Variants in KCTD21 observed in about 807,000 individuals in gnomAD.
The protein encoded by KCTD21 is potassium channel tetramerization domain containing 21.
In KCTD21, 9 loss-of-function variants were observed where a neutral mutation model predicts 13.2. That is an observed-to-expected ratio of 0.68 (90% CI 0.41 to 1.19). The LOEUF (loss-of-function observed/expected upper bound fraction) is 1.19. KCTD21 is among the 50% of genes most tolerant of loss of function. The pLI, the probability that KCTD21 is intolerant of heterozygous loss-of-function variation, is 0.01. For missense variants in KCTD21, 303 were observed against 336.5 expected (o/e 0.90, Z 0.78); for synonymous variants, 142 against 137.4 (o/e 1.03, Z -0.23).
At chr11:78,177,061 G>A (rs1040136223) in intron 1 of KCTD21, 7 of 152,246 alleles carry the variant, frequency 4.6e-5, no homozygotes, top group African/African-American at 1.4e-4. Flanking sequence ...CCGTCCAGAT[G>A]GAGAAACAGA....
At chr11:78,178,833 G>A (rs1862532502) in intron 1 of KCTD21, among the ~76,000 whole-genome samples, 1 of 152,160 alleles carries the variant, frequency 6.6e-6, no homozygotes, top group African/African-American at 2.4e-5. Context: ...TCCTAAAGCT[G>A]AACCAAGAGG....
chr11:78,183,167 T>C (rs1304697711), intron 1 of KCTD21, among the ~76,000 whole-genome samples: 1 of 152,192 alleles, frequency 6.6e-6, no homozygotes, highest in Non-Finnish European at 1.5e-5. Flanking sequence ...GAGAAACTGA[T>C]GATTCCTGGA....
intron 1 of KCTD21, chr11:78,188,150 TC>T (rs1183874559): frequency 5.9e-5 from 58 of 985,106 alleles, no homozygotes; most frequent in Non-Finnish European, 6.7e-5. Flanking sequence ...TCTCCGCCCT[TC>T]CTTCCCCAAT....
chr11:78,175,730 A>T (rs1437527286), intron 1 of KCTD21, among the ~76,000 whole-genome samples: 1 of 152,024 alleles, frequency 6.6e-6, no homozygotes, highest in Non-Finnish European at 1.5e-5. Flanking sequence ...GTTTTTTTTA[A>T]ATTTTTTTAA....
rs1264589562 is a variant in KCTD21 at position 78,173,727 on chromosome 11, A to G, written c.*45T>C. 7.1e-6 allele frequency: 11 copies of G among 1,539,428 alleles called. No homozygotes were observed. The highest frequency in any genetic ancestry group is 2.4e-5 in the South Asian group (2 of 82,236). On this transcript the variant is annotated 3_prime_UTR_variant, in exon 2 of 2. Transcript: ENST00000340067. ...AGATGCCCTCCAAGACCTGGCTGAC[A>G]TGAGCTTCCTGGGACTCCCCATCTC...
Position 78,188,574 on chromosome 11 carries a change from T to TCCTGCCCTCGCTCTGCAGCCTCTC in KCTD21, c.-55_-32dup. 11 of 985,344 alleles carry TCCTGCCCTCGCTCTGCAGCCTCTC rather than the reference T, an allele frequency of 1.1e-5. No individual in the cohort carries two copies. The highest frequency in any genetic ancestry group is 1.3e-5 in the Non-Finnish European group (11 of 830,122). The allele number at this position is 985,344 out of a possible 1,614,324, so 61.0% of individuals were successfully genotyped here. ...CGACCCCGGCCGTGCCGCACCCACC[T>TCCTGCCCTCGCTCTGCAGCCTCTC]CCTGCCCTCGCTCTGCAGCCTCTCC... On this transcript the variant is annotated splice_region_variant and 5_prime_UTR_variant, in exon 1 of 2. Coordinates refer to ENST00000340067, the MANE Select transcript of KCTD21 (RefSeq NM_001029859.3).
intron 1 of KCTD21, among the ~76,000 whole-genome samples, chr11:78,182,850 A>C (rs1234001042): frequency 1.3e-5 from 2 of 152,224 alleles, no homozygotes; most frequent in African/African-American, 4.8e-5. Context: ...GGAGTAGGCA[A>C]GAGCTCTTTT....
chr11:78,187,109 G>C (rs554192593), intron 1 of KCTD21: 2 of 985,402 alleles, frequency 2.0e-6, no homozygotes, highest in East Asian at 1.1e-4. Context: ...TTTCCACTGC[G>C]TAAGGGAATG....
At position 78,174,600 on chromosome 11, in the gene KCTD21, G is replaced by A; in HGVS notation, c.-29-17C>T. On this transcript the variant is annotated splice_polypyrimidine_tract_variant and intron_variant, in intron 1 of 1. Coordinates refer to ENST00000340067, the MANE Select transcript of KCTD21 (RefSeq NM_001029859.3). ...GAAGTAGTCCTGGAGAGGGTGAGAA[G>A]TGAGAAATGACTATAACCAAACCTT... 1.3e-6 allele frequency: 2 copies of A among 1,544,054 alleles called. No homozygotes were observed. The highest frequency in any genetic ancestry group is 1.4e-5 in the African/African-American group (1 of 72,390).
At position 78,174,114 on chromosome 11, in the gene KCTD21, G is replaced by A. The variant is rs1320057354; in HGVS notation, c.441C>T (p.Asn147=). ...GGAAGAGGCAGGAGGTGCTGAAGATGTTGGCGTTGAAGACCTCCATGCTGG... is the reference window on the plus strand; with the variant it reads ...GGAAGAGGCAGGAGGTGCTGAAGATATTGGCGTTGAAGACCTCCATGCTGG... ...SSSSMEVFNA[N]IFSTSCLFLK... The change falls in exon 2 of 2, where the codon AAC becomes AAT. Residue 147 remains asparagine (N), a synonymous_variant. Transcript: ENST00000340067. The A allele has an allele frequency of 2.1e-5, 34 of 1,614,182 alleles. No individual in the cohort carries two copies. The Middle Eastern group carries it at 6.6e-4, about 31-fold the overall frequency.
chr11:78,179,107 C>T lies in KCTD21; in HGVS notation c.-29-4524G>A, dbSNP rs554706927. ...AACTGGGCCTTTGAGTTCCTTGCTC[C>T]GGCCCACTCCCACCCTGAGGAGTGC... On this transcript the variant is annotated intron_variant, in intron 1 of 1. Transcript: ENST00000340067. 7.9e-5 allele frequency among the ~76,000 whole-genome samples: 12 copies of T among 152,276 alleles called. No individual in the cohort carries two copies. The East Asian group carries it at 1.2e-3, about 15-fold the overall frequency.
chr11:78,182,118 G>A (rs1862641650), intron 1 of KCTD21, among the ~76,000 whole-genome samples: 1 of 152,170 alleles, frequency 6.6e-6, no homozygotes, highest in Non-Finnish European at 1.5e-5. Flanking sequence ...ATACATTTTA[G>A]ATTTGTCCCC....
rs765736774 is a variant in KCTD21 at position 78,174,549 on chromosome 11, G to A, written c.6C>T (p.Ser2=). The A allele has an allele frequency of 5.7e-5, 91 of 1,609,248 alleles. No homozygotes were observed. Among genetic ancestry groups the A allele is most frequent in the Middle Eastern group, 1.7e-4 (1 of 6,020 alleles). ...CCCCGACGTTCAGCGTGATGGGGTC[G>A]GACATGGCAGGAGACTGGGTTGCTG... M[S]DPITLNVGGK... Residue 2 remains serine, a synonymous_variant, in exon 2 of 2, where the codon TCC becomes TCT. Coordinates refer to ENST00000340067, the MANE Select transcript of KCTD21 (RefSeq NM_001029859.3).
chr11:78,187,931 C>T, intron 1 of KCTD21: 1 of 985,276 alleles, frequency 1.0e-6, no homozygotes. Flanking sequence ...TCACATTCCT[C>T]ACCTGTCAAC....
In KCTD21 at chr11:78,174,406, T is replaced by C. The variant is rs1012357892; in HGVS notation, c.149A>G (p.Asp50Gly). 1.5e-5 allele frequency: 25 copies of C among 1,613,794 alleles called. No homozygotes were observed. The highest frequency in any genetic ancestry group is 2.0e-5 in the Non-Finnish European group (24 of 1,180,008). Residue 50 changes from aspartate to glycine, a missense_variant, in exon 2 of 2, where the codon GAC becomes GGC. Coordinates refer to ENST00000340067, the MANE Select transcript of KCTD21 (RefSeq NM_001029859.3). ...KRDSQGNCFI[D>G]RDGKVFRYIL... ...ATAGCGGAACACTTTGCCGTCACGGTCAATGAAGCAGTTGCCCTGGCTGTC... is the reference window on the plus strand; with the variant it reads ...ATAGCGGAACACTTTGCCGTCACGGCCAATGAAGCAGTTGCCCTGGCTGTC...
intron 1 of KCTD21, among the ~76,000 whole-genome samples, chr11:78,182,300 C>T (rs71473372): frequency 2.2e-5 from 3 of 138,824 alleles, no homozygotes; most frequent in African/African-American, 2.8e-5. Context: ...CCAAAGCACC[C>T]CCCCCCCCTC....
chr11:78,182,956 G>A (rs1862672622), intron 1 of KCTD21, among the ~76,000 whole-genome samples: 1 of 152,190 alleles, frequency 6.6e-6, no homozygotes, highest in African/African-American at 2.4e-5. Flanking sequence ...TGTCAGTGGG[G>A]ACTAGCTGTT....
chr11:78,188,329 GAC>G, intron 1 of KCTD21: 1 of 979,912 alleles, frequency 1.0e-6, no homozygotes, highest in Non-Finnish European at 1.2e-6. Context: ...GGGCTTTTCC[GAC>G]TATCACCATC....
At chr11:78,180,859 T>C (rs577251644) in intron 1 of KCTD21, among the ~76,000 whole-genome samples, 7 of 151,744 alleles carry the variant, frequency 4.6e-5, no homozygotes, top group South Asian at 2.1e-4. Context: ...GTGGAGATGA[T>C]TGAATCATTG....
Sources: gnomAD v4.1 joint callset for allele counts (sites outside exome capture counted in the v4.1 genomes callset) on GRCh38, gnomAD v4.1.1 for gene constraint, MANE v1.5 for transcripts, NCBI Gene and HGNC (gene_info 2026-07-23, HGNC 2026-07-21) for gene names.